The following NFAT5 variants were observed in gnomAD, a reference collection of about 807,000 sequenced individuals.
NFAT5 encodes nuclear factor of activated T-cells 5.
Under a neutral mutation model 166.5 loss-of-function variants are expected in NFAT5, and 31 were observed. The observed-to-expected ratio is 0.19, with a 90% confidence interval of 0.14 to 0.25. The LOEUF is 0.25. Among genes scored for constraint, NFAT5 ranks in the 10% least tolerant of loss-of-function variants. The pLI is 1.00. For synonymous variants in NFAT5, 612 were observed against 639.7 expected (o/e 0.96, Z 0.65); for missense variants, 1,449 against 1,821.8 (o/e 0.80, Z 3.72).
At chr16:69,642,276 T>C (rs1412825672) in intron 3 of NFAT5, among the ~76,000 whole-genome samples, 1 of 152,220 alleles carries the variant, frequency 6.6e-6, no homozygotes, top group Non-Finnish European at 1.5e-5. Context: ...AGAAGCTGTA[T>C]GTACAATTCA....
At chr16:69,579,033 C>G (rs922939169) in intron 2 of NFAT5, among the ~76,000 whole-genome samples, 5 of 152,168 alleles carry the variant, frequency 3.3e-5, no homozygotes, top group Admixed American at 1.3e-4. Flanking sequence ...CACCACTACA[C>G]CTGGCTAACT....
intron 2 of NFAT5, among the ~76,000 whole-genome samples, chr16:69,574,962 G>A (rs533905052): frequency 1.3e-5 from 2 of 152,046 alleles, no homozygotes; most frequent in Non-Finnish European, 2.9e-5. Context: ...ATGAGCCACC[G>A]TGCCCAGCCC....
Position 69,660,967 on chromosome 16 carries a change from A to T in NFAT5, c.1369+1068A>T, listed in dbSNP as rs1458516998. ...GGGATTACAGGTGTGTGCCACTAGC[A>T]CCTGGCTAATTTTTGTATTTTTAGT... On this transcript the variant is annotated intron_variant, in intron 7 of 14. Transcript: ENST00000349945. Among the ~76,000 whole-genome samples the T allele has an allele frequency of 1.7e-4, 26 of 151,524 alleles. No individual in the cohort carries two copies. In the East Asian group the frequency reaches 5.0e-3, roughly 29 times the overall value.
At chr16:69,626,820 G>A (rs2034480295) in intron 3 of NFAT5, among the ~76,000 whole-genome samples, 1 of 152,060 alleles carries the variant, frequency 6.6e-6, no homozygotes, top group South Asian at 2.1e-4. Context: ...GCTTAAAAAG[G>A]TTAAATACCA....
chr16:69,663,264 A>G (rs2036225263), intron 7 of NFAT5, among the ~76,000 whole-genome samples: 1 of 152,062 alleles, frequency 6.6e-6, no homozygotes, highest in African/African-American at 2.4e-5. Flanking sequence ...AATTACTTCT[A>G]ATTATTGGTT....
chr16:69,624,895 C>CT (rs72033932), intron 2 of NFAT5, among the ~76,000 whole-genome samples: 23,444 of 142,504 alleles, frequency 0.16, 2,059 homozygotes, highest in East Asian at 0.37. Flanking sequence ...TCTAATTGTT[C>CT]TTTTTTTTAA....
chr16:69,676,961 A>G lies in NFAT5; in HGVS notation c.1558-242A>G, dbSNP rs180930811. 49 of 401,652 alleles carry G rather than the reference A, an allele frequency of 1.2e-4. No homozygotes were observed. In the East Asian group the frequency reaches 2.5e-3, roughly 20 times the overall value. The allele number at this position is 401,652 out of a possible 1,614,324, so 24.9% of individuals were successfully genotyped here. A position where few individuals can be genotyped will look rare whatever the true frequency, so the allele number is the denominator to read the frequency against. On this transcript the variant is annotated intron_variant, in intron 9 of 14. Coordinates refer to ENST00000349945, the MANE Select transcript of NFAT5 (RefSeq NM_138713.4). The stretch of plus-strand genomic sequence containing the variant: ...AGTGTAGTGAGCTAGAAGAGCAGGA[A>G]TGAGATGAAGTTGACAGGGCAGGGA...
At position 69,647,503 on chromosome 16, in the gene NFAT5, T is replaced by C; in HGVS notation, c.729T>C (p.Phe243=). The C allele has an allele frequency of 6.2e-7, 1 of 1,610,472 alleles. No individual in the cohort carries two copies. The highest frequency in any genetic ancestry group is 8.5e-7 in the Non-Finnish European group (1 of 1,179,880). Residue 243 remains phenylalanine, a synonymous_variant, in exon 4 of 15, where the codon TTT becomes TTC. Coordinates refer to ENST00000349945, the MANE Select transcript of NFAT5 (RefSeq NM_138713.4). This position sits in a 1 kb window ranked among gnomAD's most constrained non-coding sequence, Gnocchi z 4.8. ...RDCEESNMDI[F]DADSAKAPHY... is the part of the protein sequence containing the mutation. ...GTGAAGAATCTAATATGGATATATT[T>C]GATGCCGACAGTGCCAAAGCACCTC...
chr16:69,649,707 A>C (rs2035588648), intron 4 of NFAT5: 2 of 257,298 alleles, frequency 7.8e-6, no homozygotes. Flanking sequence ...AATTTTTCAG[A>C]GCATGTCAAG....
rs1192971242 is a variant in NFAT5, at chr16:69,688,375, T to TTTATTA, written c.1775-2553_1775-2548dup. Among the ~76,000 whole-genome samples the TTTATTA allele has an allele frequency of 7.9e-5, 12 of 151,748 alleles. No individual in the cohort carries two copies. The South Asian group carries it at 2.5e-3, about 32-fold the overall frequency. ...TACAGACTGTATATTTTTATTTTTA[T>TTTATTA]TTATTATTATTATTATTTGAGATGG... is the stretch of plus-strand genomic sequence containing the variant. On this transcript the variant is annotated intron_variant, in intron 11 of 14. Transcript: ENST00000349945.
intron 10 of NFAT5, among the ~76,000 whole-genome samples, chr16:69,678,007 A>T (rs2036900211): frequency 6.6e-6 from 1 of 151,368 alleles, no homozygotes; most frequent in Non-Finnish European, 1.5e-5. Context: ...ACAAAAAAAA[A>T]ATTAGCTGGG....
chr16:69,581,983 G>A (rs1477889000), intron 2 of NFAT5, among the ~76,000 whole-genome samples: 3 of 152,076 alleles, frequency 2.0e-5, no homozygotes, highest in Admixed American at 6.6e-5. Flanking sequence ...TTATTAGGCC[G>A]GGTGGGCGCA....
intron 9 of NFAT5, among the ~76,000 whole-genome samples, chr16:69,675,751 T>C (rs2036807824): frequency 6.6e-6 from 1 of 152,198 alleles, no homozygotes; most frequent in African/African-American, 2.4e-5. Flanking sequence ...GCGATTCTTC[T>C]GCCTCAGCCT....
Position 69,647,929 on chromosome 16 carries a change from T to G in NFAT5, c.812+343T>G, listed in dbSNP as rs2035508329. Reference sequence around the variant, plus strand: ...GCTCACACCTGTAATCCCAGCACTTTGGGAGGCCGAGGCGGGCGGATCACC... The same window carrying G: ...GCTCACACCTGTAATCCCAGCACTTGGGGAGGCCGAGGCGGGCGGATCACC... On this transcript the variant is annotated intron_variant, in intron 4 of 14. Transcript: ENST00000349945. This position sits in a 1 kb window ranked among gnomAD's most constrained non-coding sequence, Gnocchi z 4.8. Among the ~76,000 whole-genome samples, 1 of 152,064 alleles carries G rather than the reference T, an allele frequency of 6.6e-6. No individual in the cohort carries two copies. Among genetic ancestry groups the G allele is most frequent in the African/African-American group, 2.4e-5 (1 of 41,406 alleles).
At position 69,693,608 on chromosome 16, in the gene NFAT5, T is replaced by A. The variant is rs555037282; in HGVS notation, c.3783T>A (p.Ser1261Arg). ...AGCACTCAATAGTTGCCATGCAGAG[T>A]AACTCTCCATCCCAGGAACAGCAGC... Reference protein sequence around the residue: ...QSQHSIVAMQSNSPSQEQQQQ... With the variant: ...QSQHSIVAMQRNSPSQEQQQQ... The change falls in exon 13 of 15, where the codon AGT (serine) becomes AGA (arginine). Residue 1261 changes from serine (S) to arginine (R), a missense_variant. Physicochemically the swap from Ser to Arg is moderately radical, Grantham distance 110. Around this residue, in one of 7 missense-constraint regions of NFAT5, gnomAD observed 891 missense variants for 993.0 expected, o/e 0.90. Coordinates refer to ENST00000349945, the MANE Select transcript of NFAT5 (RefSeq NM_138713.4). 1 of 1,613,814 alleles carries A rather than the reference T, an allele frequency of 6.2e-7. No individual in the cohort carries two copies. Among genetic ancestry groups the A allele is most frequent in the African/African-American group, 1.3e-5 (1 of 74,886 alleles).
At chr16:69,684,814 A>C (rs2037220314) in intron 10 of NFAT5, 73 bp from the exon 11 acceptor site, 2 of 929,538 alleles carry the variant, frequency 2.2e-6, no homozygotes, top group Non-Finnish European at 3.2e-6. Flanking sequence ...AGATATTCTA[A>C]TTAAAGAATT....
rs2037631750 is a variant in NFAT5, at chr16:69,693,350, A to G, written c.3525A>G (p.Gln1175=). The G allele has an allele frequency of 1.8e-5, 29 of 1,614,064 alleles. No individual in the cohort carries two copies. In the East Asian group the frequency reaches 6.2e-4, roughly 35 times the overall value. The change falls in exon 13 of 15, where the codon CAA becomes CAG. Residue 1175 remains glutamine, a synonymous_variant. Transcript: ENST00000349945. ...ATCTTCAGACTAACACAGTAGCCCA[A>G]GAAGCATTTTTTGCAGCACCGAACT... The part of the protein sequence containing the change: ...MNNLQTNTVA[Q]EAFFAAPNSI...
At chr16:69,675,493 A>G (rs2036795885) in intron 9 of NFAT5, among the ~76,000 whole-genome samples, 1 of 152,246 alleles carries the variant, frequency 6.6e-6, no homozygotes, top group Non-Finnish European at 1.5e-5. Flanking sequence ...GTATGTGTTC[A>G]GATTTAGCTC....
intron 12 of NFAT5, 44 bp downstream of exon 12, chr16:69,691,132 G>A: frequency 2.1e-6 from 3 of 1,430,350 alleles, no homozygotes; most frequent in Non-Finnish European, 2.8e-6. Flanking sequence ...TATAAAAATT[G>A]CTGTCTTTTA....
Sources: gnomAD v4.1 joint callset for allele counts (sites outside exome capture counted in the v4.1 genomes callset) on GRCh38, gnomAD v4.1.1 for gene constraint, gnomAD v4.1.1 regional missense constraint, Gnocchi (gnomAD v3.1) non-coding constraint, MANE v1.5 for transcripts, NCBI Gene and HGNC (gene_info 2026-07-23, HGNC 2026-07-21) for gene names.